Variants in DYM observed in about 807,000 individuals in gnomAD.
DYM encodes the protein dymeclin, also known as dyggve-Melchior-Clausen syndrome protein.
Under a neutral mutation model 93.1 loss-of-function variants are expected in DYM, and 78 were observed. That is an observed-to-expected ratio of 0.84 (90% CI 0.70 to 1.01). DYM has a LOEUF of 1.01. Among genes scored for constraint, DYM ranks in the 50% least tolerant of loss-of-function variants. The pLI, the probability that DYM is intolerant of heterozygous loss-of-function variation, is 0.00. For synonymous variants in DYM, 321 were observed against 319.7 expected, an observed-to-expected ratio of 1.00 and a Z score of -0.04; for missense variants, 789 against 845.0, an observed-to-expected ratio of 0.93 and a Z score of 0.82.
At chr18:49,124,375 G>A (rs1400502308) in intron 15 of DYM, among the ~76,000 whole-genome samples, 1 of 151,834 alleles carries the variant, frequency 6.6e-6, no homozygotes, top group Non-Finnish European at 1.5e-5. Context: ...GTGATGTGGT[G>A]GTGCATGCCT....
chr18:49,255,683 A>T (rs2094379392), intron 13 of DYM, among the ~76,000 whole-genome samples: 1 of 151,038 alleles, frequency 6.6e-6, no homozygotes, highest in South Asian at 2.1e-4. Flanking sequence ...AAAAAAAAAA[A>T]AAAAAGAAGA....
intron 11 of DYM, among the ~76,000 whole-genome samples, chr18:49,270,112 G>A (rs1414482996): frequency 2.0e-5 from 3 of 152,222 alleles, no homozygotes; most frequent in Admixed American, 6.5e-5. Flanking sequence ...CAGCCTAGGC[G>A]TGTAGTAGGC....
intron 2 of DYM, among the ~76,000 whole-genome samples, chr18:49,394,802 A>C (rs1055570659): frequency 1.3e-5 from 2 of 152,046 alleles, no homozygotes; most frequent in Admixed American, 6.6e-5. Flanking sequence ...GTATTACCTT[A>C]TTTCTTTTCC....
At chr18:49,135,314 T>A (rs996056012) in intron 15 of DYM, among the ~76,000 whole-genome samples, 3 of 152,138 alleles carry the variant, frequency 2.0e-5, no homozygotes, top group Non-Finnish European at 2.9e-5. Flanking sequence ...ACTCCCCAGT[T>A]GTATGAAAAA....
At chr18:49,231,147 G>C (rs377374195) in intron 13 of DYM, among the ~76,000 whole-genome samples, 2 of 152,026 alleles carry the variant, frequency 1.3e-5, no homozygotes, top group East Asian at 1.9e-4. Context: ...CTTTAAAAAG[G>C]GTTTTCTAAT....
intron 15 of DYM, among the ~76,000 whole-genome samples, chr18:49,146,230 C>A (rs1390505612): frequency 6.6e-6 from 1 of 152,190 alleles, no homozygotes; most frequent in Admixed American, 6.5e-5. Context: ...AAACCCACAG[C>A]TGATATCATA....
At chr18:49,177,692 T>C (rs909988344) in intron 14 of DYM, among the ~76,000 whole-genome samples, 2 of 152,158 alleles carry the variant, frequency 1.3e-5, no homozygotes, top group Non-Finnish European at 2.9e-5. Context: ...AATTTATACT[T>C]GTCCTACACA....
chr18:49,197,244 T>A (rs933122374), intron 14 of DYM, among the ~76,000 whole-genome samples: 1 of 151,908 alleles, frequency 6.6e-6, no homozygotes, highest in East Asian at 1.9e-4. Flanking sequence ...TCATGTAAAG[T>A]CATAGAAATT....
intron 13 of DYM, among the ~76,000 whole-genome samples, chr18:49,217,236 A>G (rs1172091510): frequency 1.3e-5 from 2 of 152,260 alleles, no homozygotes; most frequent in Admixed American, 6.5e-5. Context: ...CAAAGCCTTC[A>G]AGAAATATGG....
intron 11 of DYM, among the ~76,000 whole-genome samples, chr18:49,266,109 T>A (rs527330500): frequency 6.6e-6 from 1 of 151,752 alleles, no homozygotes; most frequent in South Asian, 2.1e-4. Context: ...CTCAAAAAAA[T>A]TTTTACAAAA....
chr18:49,347,487 C>T (rs9956586), intron 6 of DYM, among the ~76,000 whole-genome samples: 3,857 of 152,234 alleles, frequency 0.025, 151 homozygotes, highest in African/African-American at 0.087. Flanking sequence ...GCAGTATATG[C>T]TGCAGGAGTC....
At chr18:49,133,286 G>A (rs886842637) in intron 15 of DYM, among the ~76,000 whole-genome samples, 2 of 152,112 alleles carry the variant, frequency 1.3e-5, no homozygotes, top group Admixed American at 6.5e-5. Flanking sequence ...CCATGCCCAC[G>A]GATTTACTTT....
chr18:49,201,529 A>C (rs1892187828), intron 14 of DYM, among the ~76,000 whole-genome samples: 1 of 152,240 alleles, frequency 6.6e-6, no homozygotes, highest in Non-Finnish European at 1.5e-5. Context: ...CCAAAATCAT[A>C]CACAAAAAAA....
chr18:49,364,730 A>G (rs1251007564), intron 5 of DYM, among the ~76,000 whole-genome samples: 1 of 152,154 alleles, frequency 6.6e-6, no homozygotes, highest in Non-Finnish European at 1.5e-5. Context: ...TTCCTCCAGT[A>G]CTGCAGTGTA....
chr18:49,184,505 C>A (rs949812549), intron 14 of DYM, among the ~76,000 whole-genome samples: 6 of 152,166 alleles, frequency 3.9e-5, no homozygotes, highest in Admixed American at 3.3e-4. Flanking sequence ...AGTATTCCCC[C>A]CTTATCCACG....
intron 13 of DYM, among the ~76,000 whole-genome samples, chr18:49,234,973 T>C (rs2093817395): frequency 1.3e-5 from 2 of 152,112 alleles, no homozygotes; most frequent in South Asian, 4.1e-4. Context: ...GGGAACTCAG[T>C]TCTACAATCA....
chr18:49,284,972 C>A (rs968554371), intron 9 of DYM, among the ~76,000 whole-genome samples: 3 of 152,086 alleles, frequency 2.0e-5, no homozygotes, highest in African/African-American at 7.2e-5. Context: ...GGATGAAGGC[C>A]TTCATAAAAG....
rs964636019 is a variant in DYM at position 49,103,887 on chromosome 18, C to T, written c.1912-6372G>A. Among the ~76,000 whole-genome samples the T allele has an allele frequency of 2.8e-3, 427 of 150,558 alleles. 3 individuals are homozygous for T. The highest frequency in any genetic ancestry group is 9.8e-3 in the African/African-American group (404 of 41,116). On this transcript the variant is annotated intron_variant, in intron 16 of 17. Transcript: ENST00000675505. ...TTCTTTTGGCTTAGGATTGACTTGG[C>T]GATGCGGGCTCTTTTTTGGTTCCAT...
chr18:49,438,223 T>C (rs2081028318), intron 1 of DYM, among the ~76,000 whole-genome samples: 1 of 152,116 alleles, frequency 6.6e-6, no homozygotes, highest in African/African-American at 2.4e-5. Flanking sequence ...TATGAAATCT[T>C]TCTAAAACAG....
Sources: gnomAD v4.1 joint callset for allele counts (sites outside exome capture counted in the v4.1 genomes callset) on GRCh38, gnomAD v4.1.1 for gene constraint, MANE v1.5 for transcripts, NCBI Gene and HGNC (gene_info 2026-07-23, HGNC 2026-07-21) for gene names.